CD248: variants seen among roughly 807,000 people sequenced by gnomAD.
CD248 encodes CD248 molecule.
In CD248, 7 loss-of-function variants were observed where a neutral mutation model predicts 8.0. That is an observed-to-expected ratio of 0.88 (90% CI 0.50 to 1.64). The LOEUF is 1.64. Among genes scored for constraint, CD248 ranks in the 40% most tolerant of loss-of-function variants. The probability of loss-of-function intolerance (pLI) is 0.00; values close to 1 mark genes in which losing one functional copy is unlikely to be tolerated. For missense variants in CD248, 912 were observed against 1,027.2 expected (o/e 0.89, Z 1.53); for synonymous variants, 418 against 437.1 (o/e 0.96, Z 0.54).
rs774123813 is a variant in CD248, at chr11:66,316,994, C to A, written c.34G>T (p.Ala12Ser). Residue 12 changes from alanine (A) to serine (S), a missense_variant, in exon 1 of 1, where the codon GCA becomes TCA. Around this residue, in one of 3 missense-constraint regions of CD248, gnomAD observed 403 missense variants for 446.2 expected, o/e 0.90. Transcript: ENST00000311330. ...GGGTCCTGGCCCAGTGTGGGCCCTG[C>A]GGCCGCCCAGGCCAGCAACAGGCGC... Reference protein sequence around the residue: ...LLRLLLAWAAAGPTLGQDPWA... With the variant: ...LLRLLLAWAASGPTLGQDPWA... 3 of 1,486,820 alleles carry A rather than the reference C, an allele frequency of 2.0e-6. No individual in the cohort carries two copies. Among genetic ancestry groups the A allele is most frequent in the Non-Finnish European group, 2.7e-6 (3 of 1,130,734 alleles). The allele number at this position is 1,486,820 out of a possible 1,614,324, so 92.1% of individuals were successfully genotyped here.
Position 66,315,339 on chromosome 11 carries a change from G to A in CD248, c.1689C>T (p.Ala563=). 1 of 1,579,364 alleles carries A rather than the reference G, an allele frequency of 6.3e-7. No individual in the cohort carries two copies. Among genetic ancestry groups the A allele is most frequent in the Non-Finnish European group, 8.6e-7 (1 of 1,160,384 alleles). ...NHAPLVTTLG[A]QLPPQAPDAL... ...CATCTGGGGCTTGAGGGGGTAGCTG[G>A]GCACCGAGGGTGGTGACCAGAGGGG... is the stretch of plus-strand genomic sequence containing the variant. The change falls in exon 1 of 1, where the codon GCC becomes GCT. Residue 563 remains alanine (A), a synonymous_variant. Transcript: ENST00000311330. The surrounding 1 kb of genome is among the most constrained non-coding windows in gnomAD (Gnocchi z 4.3).
Position 66,315,539 on chromosome 11 carries a change from G to T in CD248, c.1489C>A (p.Gln497Lys). ...ANYPDLPSAY[Q>K]PGILSVSHSA... Reference sequence around the variant, plus strand: ...TGAGAGACAGAGAGAATACCGGGTTGGTAGGCAGAAGGCAGATCTGGATAG... The same window carrying T: ...TGAGAGACAGAGAGAATACCGGGTTTGTAGGCAGAAGGCAGATCTGGATAG... Residue 497 changes from glutamine (Q) to lysine (K), a missense_variant, in exon 1 of 1, where the codon CAA (glutamine) becomes AAA (lysine). This residue lies in a region of CD248 where 507 missense variants were observed against 562.2 expected (regional missense o/e 0.90). Transcript: ENST00000311330. The surrounding 1 kb of genome is among the most constrained non-coding windows in gnomAD (Gnocchi z 4.3). 6.2e-7 allele frequency: 1 copy of T among 1,614,058 alleles called. No individual in the cohort carries two copies. Among genetic ancestry groups the T allele is most frequent in the East Asian group, 2.2e-5 (1 of 44,888 alleles).
chr11:66,315,659 G>A lies in CD248; in HGVS notation c.1369C>T (p.His457Tyr), dbSNP rs983956106. Residue 457 changes from histidine (H) to tyrosine (Y), a missense_variant, in exon 1 of 1, where the codon CAT becomes TAT. Around this residue, in one of 3 missense-constraint regions of CD248, gnomAD observed 507 missense variants for 562.2 expected, o/e 0.90. Transcript: ENST00000311330. The surrounding 1 kb of genome is among the most constrained non-coding windows in gnomAD (Gnocchi z 4.3). ...VTRPVVVSAT[H>Y]PTLPSAHQPP... ...TGGTGGGCAGAAGGCAGTGTGGGAT[G>A]CGTGGCAGAGACCACCACAGGCCGG... is the stretch of plus-strand genomic sequence containing the variant. The A allele has an allele frequency of 1.9e-6, 3 of 1,613,712 alleles. No homozygotes were observed. The highest frequency in any genetic ancestry group is 2.5e-6 in the Non-Finnish European group (3 of 1,179,896).
rs774254770 is a variant in CD248 at position 66,316,872 on chromosome 11, G to T, written c.156C>A (p.Arg52=). 6.5e-7 allele frequency: 1 copy of T among 1,547,514 alleles called. No homozygotes were observed. Among genetic ancestry groups the T allele is most frequent in the Non-Finnish European group, 8.7e-7 (1 of 1,155,248 alleles). The change falls in exon 1 of 1, where the codon CGC becomes CGA. Residue 52 remains arginine (R), a synonymous_variant. Transcript: ENST00000311330. ...GAGTGGCCAGGTCGCCCCCCAGCTC[G>T]CGGCAGGCCCGCCAGGCCTCCAGGA... ...RTFLEAWRAC[R]ELGGDLATPR...
rs1854555643 is a variant in CD248, at chr11:66,316,726, C to T, written c.302G>A (p.Arg101His). 6 of 1,604,564 alleles carry T rather than the reference C, an allele frequency of 3.7e-6. No individual in the cohort carries two copies. Among genetic ancestry groups the T allele is most frequent in the South Asian group, 1.1e-5 (1 of 90,988 alleles). ...ARQCQLQRPL[R>H]GFTWTTGDQD... is the part of the protein sequence containing the mutation. ...GTCCCCTGTGGTCCACGTGAAGCCG[C>T]GCAGTGGGCGCTGCAGCTGGCATTG... Residue 101 changes from arginine to histidine, a missense_variant, in exon 1 of 1, where the codon CGC becomes CAC. Physicochemically the swap from Arg to His is conservative, Grantham distance 29. Transcript: ENST00000311330.
Position 66,315,038 on chromosome 11 carries a change from G to T in CD248, c.1990C>A (p.Pro664Thr). 1 of 1,593,306 alleles carries T rather than the reference G, an allele frequency of 6.3e-7. No homozygotes were observed. Among genetic ancestry groups the T allele is most frequent in the Non-Finnish European group, 8.6e-7 (1 of 1,168,410 alleles). Residue 664 changes from proline to threonine, a missense_variant, in exon 1 of 1, where the codon CCC becomes ACC. Around this residue, in one of 3 missense-constraint regions of CD248, gnomAD observed 507 missense variants for 562.2 expected, o/e 0.90. Coordinates refer to ENST00000311330, the MANE Select transcript of CD248 (RefSeq NM_020404.3). The surrounding 1 kb of genome is among the most constrained non-coding windows in gnomAD (Gnocchi z 4.3). ...CCCAGGGCTGTTGGGGCTGCTGTGG[G>T]AGCTGGTGAGGGCAGCCACAGGGCC... ...KLALWLPSPA[P>T]TAAPTALGEA...
rs141264561 is a variant in CD248 at position 66,316,227 on chromosome 11, G to A, written c.801C>T (p.Asp267=). 4.6e-5 allele frequency: 74 copies of A among 1,613,224 alleles called. No homozygotes were observed. Among genetic ancestry groups the A allele is most frequent in the African/African-American group, 9.3e-5 (7 of 74,938 alleles). Residue 267 remains aspartate, a synonymous_variant, in exon 1 of 1, where the codon GAC becomes GAT. Coordinates refer to ENST00000311330, the MANE Select transcript of CD248 (RefSeq NM_020404.3). Reference sequence around the variant, plus strand: ...CACAGGGGTCCTCGCAACTGCGCCCGTCTGCTGCCAGCCGGAAGCCCTCAG... The same window carrying A: ...CACAGGGGTCCTCGCAACTGCGCCCATCTGCTGCCAGCCGGAAGCCCTCAG... The part of the protein sequence containing the change: ...RCTEGFRLAA[D]GRSCEDPCAQ...
chr11:66,317,038 C>G lies in CD248; in HGVS notation c.-11G>C. 7.1e-7 allele frequency: 1 copy of G among 1,399,202 alleles called. No individual in the cohort carries two copies. The highest frequency in any genetic ancestry group is 2.9e-5 in the East Asian group (1 of 34,392). The allele number at this position is 1,399,202 out of a possible 1,614,324, so 86.7% of individuals were successfully genotyped here. A position where few individuals can be genotyped will look rare whatever the true frequency, so the allele number is the denominator to read the frequency against. The stretch of plus-strand genomic sequence containing the variant: ...CAGGCGCAGCAGCATCGCGATGCCC[C>G]CGGACTGGTCCGGCCCCGGGCTGGC... On this transcript the variant is annotated 5_prime_UTR_variant, in exon 1 of 1. Transcript: ENST00000311330.
chr11:66,315,264 G>A lies in CD248; in HGVS notation c.1764C>T (p.Ala588=). ...QATQLPIIPT[A]QPSLTTTSRS... ...TGGAGGTGGTGGTCAGAGAGGGCTGGGCAGTTGGGATAATGGGAAGCTGGG... is the reference window on the plus strand; with the variant it reads ...TGGAGGTGGTGGTCAGAGAGGGCTGAGCAGTTGGGATAATGGGAAGCTGGG... Residue 588 remains alanine, a synonymous_variant, in exon 1 of 1, where the codon GCC becomes GCT. Transcript: ENST00000311330. This position sits in a 1 kb window ranked among gnomAD's most constrained non-coding sequence, Gnocchi z 4.3. 6.5e-7 allele frequency: 1 copy of A among 1,539,454 alleles called. No individual in the cohort carries two copies. The highest frequency in any genetic ancestry group is 8.7e-7 in the Non-Finnish European group (1 of 1,143,474).
chr11:66,315,711 G>A lies in CD248; in HGVS notation c.1317C>T (p.Pro439=). Residue 439 remains proline (P), a synonymous_variant, in exon 1 of 1, where the codon CCC becomes CCT. Coordinates refer to ENST00000311330, the MANE Select transcript of CD248 (RefSeq NM_020404.3). This position sits in a 1 kb window ranked among gnomAD's most constrained non-coding sequence, Gnocchi z 4.3. ...TGACGGAGAGCACTGAGGAGTGGTA[G>A]GGGACCCTGGGGGCACTGAGCGGGG... ...WPPPLSAPRV[P]YHSSVLSVTR... 1 of 1,611,778 alleles carries A rather than the reference G, an allele frequency of 6.2e-7. No individual in the cohort carries two copies. Among genetic ancestry groups the A allele is most frequent in the Non-Finnish European group, 8.5e-7 (1 of 1,178,456 alleles).
In CD248 at chr11:66,314,624, G is replaced by A. The variant is rs1854521037; in HGVS notation, c.*130C>T. On this transcript the variant is annotated 3_prime_UTR_variant, in exon 1 of 1. Coordinates refer to ENST00000311330, the MANE Select transcript of CD248 (RefSeq NM_020404.3). The surrounding 1 kb of genome is among the most constrained non-coding windows in gnomAD (Gnocchi z 4.0). ...TTCCTGAGAGCCAAGTCTAGTGGTT[G>A]AGAGAGGACCCTGGCTGGGCCTGGG... 2 of 738,264 alleles carry A rather than the reference G, an allele frequency of 2.7e-6. No homozygotes were observed. The highest frequency in any genetic ancestry group is 3.5e-5 in the African/African-American group (2 of 56,350). The allele number at this position is 738,264 out of a possible 1,614,324, so 45.7% of individuals were successfully genotyped here.
Position 66,315,263 on chromosome 11 carries a change from G to A in CD248, c.1765C>T (p.Gln589Ter). 1 of 1,539,138 alleles carries A rather than the reference G, an allele frequency of 6.5e-7. No homozygotes were observed. Among genetic ancestry groups the A allele is most frequent in the Non-Finnish European group, 8.7e-7 (1 of 1,143,330 alleles). Reference sequence around the variant, plus strand: ...CTGGAGGTGGTGGTCAGAGAGGGCTGGGCAGTTGGGATAATGGGAAGCTGG... The same window carrying A: ...CTGGAGGTGGTGGTCAGAGAGGGCTAGGCAGTTGGGATAATGGGAAGCTGG... ...ATQLPIIPTA[Q>*]PSLTTTSRSP... is the part of the protein sequence containing the mutation. The change falls in exon 1 of 1, where the codon CAG becomes TAG. Residue 589 changes from glutamine (Q) to a stop codon, truncating the protein, a stop_gained. Coordinates refer to ENST00000311330, the MANE Select transcript of CD248 (RefSeq NM_020404.3). LOFTEE classifies it high-confidence loss of function. The surrounding 1 kb of genome is among the most constrained non-coding windows in gnomAD (Gnocchi z 4.3).
At position 66,317,022 on chromosome 11, in the gene CD248, C is replaced by G. The variant is rs1590910639; in HGVS notation, c.6G>C (p.Leu2=). 6.9e-7 allele frequency: 1 copy of G among 1,454,728 alleles called. No homozygotes were observed. Among genetic ancestry groups the G allele is most frequent in the Non-Finnish European group, 9.0e-7 (1 of 1,114,572 alleles). 90.1% of individuals were successfully genotyped at this position (1,454,728 alleles called of 1,614,324 possible). ...CCGCCCAGGCCAGCAACAGGCGCAG[C>G]AGCATCGCGATGCCCCCGGACTGGT... is the stretch of plus-strand genomic sequence containing the variant. M[L]LRLLLAWAAA... Residue 2 remains leucine (L), a synonymous_variant, in exon 1 of 1, where the codon CTG becomes CTC. Transcript: ENST00000311330.
Position 66,315,356 on chromosome 11 carries a change from C to A in CD248, c.1672G>T (p.Val558Phe). ...PGIPPNHAPL[V>F]TTLGAQLPPQ... ...GGTAGCTGGGCACCGAGGGTGGTGACCAGAGGGGCATGGTTAGGTGGGATT... is the reference window on the plus strand; with the variant it reads ...GGTAGCTGGGCACCGAGGGTGGTGAACAGAGGGGCATGGTTAGGTGGGATT... Residue 558 changes from valine (V) to phenylalanine (F), a missense_variant, in exon 1 of 1, where the codon GTC becomes TTC. Transcript: ENST00000311330. This position sits in a 1 kb window ranked among gnomAD's most constrained non-coding sequence, Gnocchi z 4.3. 6.3e-7 allele frequency: 1 copy of A among 1,596,946 alleles called. No homozygotes were observed. The highest frequency in any genetic ancestry group is 8.5e-7 in the Non-Finnish European group (1 of 1,169,974).
Position 66,315,836 on chromosome 11 carries a change from T to A in CD248, c.1192A>T (p.Met398Leu). Residue 398 changes from methionine to leucine, a missense_variant, in exon 1 of 1, where the codon ATG (methionine) becomes TTG (leucine). Physicochemically the swap from Met to Leu is conservative, Grantham distance 15. Transcript: ENST00000311330. The surrounding 1 kb of genome is among the most constrained non-coding windows in gnomAD (Gnocchi z 4.3). ...AAGTCAGGCGGCTGCGTAGGCTCCA[T>A]CCACAGGATCCCAGGCATCTCCGTC... ...GWTEMPGILW[M>L]EPTQPPDFAL... 3 of 1,613,948 alleles carry A rather than the reference T, an allele frequency of 1.9e-6. No individual in the cohort carries two copies. The highest frequency in any genetic ancestry group is 2.5e-6 in the Non-Finnish European group (3 of 1,179,974).
Position 66,316,818 on chromosome 11 carries a change from C to CA in CD248, c.209dup (p.Asp71GlyfsTer100). On this transcript the variant is annotated frameshift_variant, in exon 1 of 1. Coordinates refer to ENST00000311330, the MANE Select transcript of CD248 (RefSeq NM_020404.3). LOFTEE classifies it low-confidence loss of function (END_TRUNC). ...CTGGGCCCGCACCCACCAGGCTGTC[C>CA]ACACGCTGGGCCTCCTCGGGGGTCC... 6.3e-7 allele frequency: 1 copy of CA among 1,579,062 alleles called. No homozygotes were observed. Among genetic ancestry groups the CA allele is most frequent in the Non-Finnish European group, 8.6e-7 (1 of 1,169,366 alleles).
chr11:66,315,730 A>G lies in CD248; in HGVS notation c.1298T>C (p.Leu433Pro). ...PYPEPTWPPPLSAPRVPYHSS... is the reference protein window; with the variant it reads ...PYPEPTWPPPPSAPRVPYHSS... Reference sequence around the variant, plus strand: ...GTGGTAGGGGACCCTGGGGGCACTGAGCGGGGGTGGCCAGGTGGGCTCCGG... The same window carrying G: ...GTGGTAGGGGACCCTGGGGGCACTGGGCGGGGGTGGCCAGGTGGGCTCCGG... Residue 433 changes from leucine (L) to proline (P), a missense_variant, in exon 1 of 1, where the codon CTC becomes CCC. Leu to Pro is a moderately conservative substitution (Grantham distance 98). This residue lies in a region of CD248 where 507 missense variants were observed against 562.2 expected (regional missense o/e 0.90). Transcript: ENST00000311330. The surrounding 1 kb of genome is among the most constrained non-coding windows in gnomAD (Gnocchi z 4.3). 1 of 1,610,746 alleles carries G rather than the reference A, an allele frequency of 6.2e-7. No individual in the cohort carries two copies. The highest frequency in any genetic ancestry group is 8.5e-7 in the Non-Finnish European group (1 of 1,177,848).
At position 66,316,591 on chromosome 11, in the gene CD248, G is replaced by A. The variant is rs892922589; in HGVS notation, c.437C>T (p.Ser146Leu). ...ASGEHRWLEGSCTLAVDGYLC... is the reference protein window; with the variant it reads ...ASGEHRWLEGLCTLAVDGYLC... Reference sequence around the variant, plus strand: ...GTAGCCGTCGACAGCCAGCGTGCACGAGCCCTCCAGCCAGCGGTGCTCGCC... The same window carrying A: ...GTAGCCGTCGACAGCCAGCGTGCACAAGCCCTCCAGCCAGCGGTGCTCGCC... The change falls in exon 1 of 1, where the codon TCG becomes TTG. Residue 146 changes from serine to leucine, a missense_variant. Ser to Leu is a moderately radical substitution (Grantham distance 145). Around this residue, in one of 3 missense-constraint regions of CD248, gnomAD observed 403 missense variants for 446.2 expected, o/e 0.90. Coordinates refer to ENST00000311330, the MANE Select transcript of CD248 (RefSeq NM_020404.3). 6.9e-6 allele frequency: 11 copies of A among 1,601,584 alleles called. No homozygotes were observed. The highest frequency in any genetic ancestry group is 1.7e-5 in the Admixed American group (1 of 59,938).
In CD248 at chr11:66,315,332, G is replaced by T. The variant is rs1429349515; in HGVS notation, c.1696C>A (p.Pro566Thr). 1.3e-6 allele frequency: 2 copies of T among 1,574,954 alleles called. No homozygotes were observed. Among genetic ancestry groups the T allele is most frequent in the African/African-American group, 1.3e-5 (1 of 74,352 alleles). The change falls in exon 1 of 1, where the codon CCC (proline) becomes ACC (threonine). Residue 566 changes from proline (P) to threonine (T), a missense_variant. Physicochemically the swap from Pro to Thr is conservative, Grantham distance 38. Around this residue, in one of 3 missense-constraint regions of CD248, gnomAD observed 507 missense variants for 562.2 expected, o/e 0.90. Coordinates refer to ENST00000311330, the MANE Select transcript of CD248 (RefSeq NM_020404.3). The surrounding 1 kb of genome is among the most constrained non-coding windows in gnomAD (Gnocchi z 4.3). ...ACAAGGGCATCTGGGGCTTGAGGGG[G>T]TAGCTGGGCACCGAGGGTGGTGACC... is the stretch of plus-strand genomic sequence containing the variant. Reference protein sequence around the residue: ...PLVTTLGAQLPPQAPDALVLR... With the variant: ...PLVTTLGAQLTPQAPDALVLR...
Sources: allele counts gnomAD v4.1 joint callset, GRCh38; gene constraint gnomAD v4.1.1; regional missense constraint gnomAD v4.1.1; non-coding constraint Gnocchi (gnomAD v3.1); transcripts MANE v1.5; gene names NCBI Gene and HGNC (gene_info 2026-07-23, HGNC 2026-07-21).